PLA2R1: variants seen among roughly 807,000 people sequenced by gnomAD.
PLA2R1 encodes the protein phospholipase A2 receptor 1, also known as secretory phospholipase A2 receptor.
In PLA2R1, 158 loss-of-function variants were observed where a neutral mutation model predicts 195.9. The observed-to-expected ratio is 0.81, with a 90% CI of 0.71 to 0.92. The LOEUF (loss-of-function observed/expected upper bound fraction) is 0.92, where lower values mean the gene tolerates loss of function less well. Among genes scored for constraint, PLA2R1 ranks in the 40% least tolerant of loss-of-function variants. The probability of loss-of-function intolerance (pLI) is 0.00; values close to 1 mark genes in which losing one functional copy is unlikely to be tolerated. For synonymous variants in PLA2R1, 586 were observed against 598.2 expected (o/e 0.98, Z 0.30); for missense variants, 1,626 against 1,764.6 (o/e 0.92, Z 1.41).
intron 10 of PLA2R1, among the ~76,000 whole-genome samples, chr2:160,008,378 G>C (rs1212652247): frequency 6.6e-6 from 1 of 152,196 alleles, no homozygotes; most frequent in Non-Finnish European, 1.5e-5. Context: ...CAGTGGAATA[G>C]ACTAGGAATA....
chr2:159,942,451 CACAA>C (rs1687138730), intron 28 of PLA2R1, among the ~76,000 whole-genome samples: 2 of 152,308 alleles, frequency 1.3e-5, no homozygotes, highest in East Asian at 3.9e-4. Context: ...TATTAGTGCT[CACAA>C]ACATACACCC....
Position 160,062,442 on chromosome 2 carries a change from G to A in PLA2R1, c.-39C>T, listed in dbSNP as rs1329393017. On this transcript the variant is annotated 5_prime_UTR_variant, in exon 1 of 30. Coordinates refer to ENST00000283243, the MANE Select transcript of PLA2R1 (RefSeq NM_007366.5). ...GCTCTCCGGGAGCCCCTTGTCCCGG[G>A]AGCCCCTTATCCCGGGAGCCCAGAG... 6 of 1,513,926 alleles carry A rather than the reference G, an allele frequency of 4.0e-6. No homozygotes were observed. Among genetic ancestry groups the A allele is most frequent in the Non-Finnish European group, 5.3e-6 (6 of 1,132,212 alleles). The allele number at this position is 1,513,926 out of a possible 1,614,324, so 93.8% of individuals were successfully genotyped here.
intron 16 of PLA2R1, among the ~76,000 whole-genome samples, 199 bp downstream of exon 16, chr2:159,976,486 A>G (rs1387380923): frequency 6.6e-6 from 1 of 152,176 alleles, no homozygotes; most frequent in Non-Finnish European, 1.5e-5. Context: ...TGTCATGAAA[A>G]TGATTGATGA....
At chr2:160,000,592 A>G (rs887115670) in intron 11 of PLA2R1, among the ~76,000 whole-genome samples, 1 of 152,166 alleles carries the variant, frequency 6.6e-6, no homozygotes, top group African/African-American at 2.4e-5. Flanking sequence ...CCAGAAACAG[A>G]CCCATACAAC....
chr2:159,957,212 C>T (rs546636851), intron 20 of PLA2R1, among the ~76,000 whole-genome samples: 18 of 151,824 alleles, frequency 1.2e-4, no homozygotes, highest in Admixed American at 3.9e-4. Context: ...ACCAAAGAAA[C>T]CTGGGAAGAA....
intron 1 of PLA2R1, among the ~76,000 whole-genome samples, chr2:160,046,259 T>G (rs1694862098): frequency 6.6e-6 from 1 of 152,198 alleles, no homozygotes; most frequent in African/African-American, 2.4e-5. Context: ...GTCACCTCAG[T>G]TCATGTCTGG....
chr2:159,971,473 C>CGT (rs1156858955), intron 17 of PLA2R1, among the ~76,000 whole-genome samples: 2 of 126,250 alleles, frequency 1.6e-5, no homozygotes, highest in Non-Finnish European at 3.9e-5. Context: ...CGTGTGTGCG[C>CGT]GCACACACAC....
chr2:159,945,369 C>A (rs930092913), intron 27 of PLA2R1, among the ~76,000 whole-genome samples: 3 of 148,198 alleles, frequency 2.0e-5, no homozygotes, highest in Non-Finnish European at 4.5e-5. Flanking sequence ...CCACAACAGT[C>A]CCCAGAGTGT....
rs753244948 is a variant in PLA2R1 at position 159,987,152 on chromosome 2, T to G, written c.2037+4A>C. ...TAAGAATGTCCATGTAACCTTGGTA[T>G]CACCTTGAAGCAACTGGCCAGACCA... On this transcript the variant is annotated splice_donor_region_variant and intron_variant, in intron 12 of 29. Coordinates refer to ENST00000283243, the MANE Select transcript of PLA2R1 (RefSeq NM_007366.5). The G allele has an allele frequency of 6.2e-7, 1 of 1,605,188 alleles. No individual in the cohort carries two copies. The highest frequency in any genetic ancestry group is 1.1e-5 in the South Asian group (1 of 90,876).
In PLA2R1 at chr2:159,939,182, G is replaced by A. The variant is rs1310919429; in HGVS notation, c.*2596C>T. 1 of 151,318 alleles carries A rather than the reference G, an allele frequency of 6.6e-6. No individual in the cohort carries two copies. Among genetic ancestry groups the A allele is most frequent in the Non-Finnish European group, 1.5e-5 (1 of 67,844 alleles). 9.4% of individuals were successfully genotyped at this position (151,318 alleles called of 1,614,324 possible). A position where few individuals can be genotyped will look rare whatever the true frequency, so the allele number is the denominator to read the frequency against. On this transcript the variant is annotated 3_prime_UTR_variant, in exon 30 of 30. Transcript: ENST00000283243. ...TTACCTGCTACTTTTTTTTCTTTTC[G>A]AATTATAGCTATAAAATCTAGTTCA...
At position 159,979,888 on chromosome 2, in the gene PLA2R1, C is replaced by T. The variant is rs867997164; in HGVS notation, c.2210G>A (p.Gly737Glu). 13 of 1,607,122 alleles carry T rather than the reference C, an allele frequency of 8.1e-6. No homozygotes were observed. In the African/African-American group the frequency reaches 1.5e-4, roughly 18 times the overall value. ...NWTEERQFWI[G>E]FNKRNPLNAG... ...ATTCAGTGGGTTTCTTTTATTAAAT[C>T]CAATCCAGAACTGCCTTTCTTCTGT... The change falls in exon 14 of 30, where the codon GGA (glycine) becomes GAA (glutamate). Residue 737 changes from glycine to glutamate, a missense_variant. Coordinates refer to ENST00000283243, the MANE Select transcript of PLA2R1 (RefSeq NM_007366.5).
At chr2:159,964,286 G>A (rs1354839796) in intron 20 of PLA2R1, among the ~76,000 whole-genome samples, 2 of 152,184 alleles carry the variant, frequency 1.3e-5, no homozygotes, top group Non-Finnish European at 2.9e-5. Context: ...TTGGGATAGT[G>A]AGAATGTTTT....
chr2:160,042,676 G>T (rs1283970045), intron 2 of PLA2R1, among the ~76,000 whole-genome samples: 1 of 152,036 alleles, frequency 6.6e-6, no homozygotes, highest in Non-Finnish European at 1.5e-5. Context: ...CCTTTATGTG[G>T]AACTTCTATC....
chr2:159,947,389 A>G, intron 26 of PLA2R1, 30 bp downstream of exon 26: 1 of 1,576,088 alleles, frequency 6.3e-7, no homozygotes, highest in Non-Finnish European at 8.6e-7. Flanking sequence ...GAGCACATGA[A>G]AGCATTTTTA....
At chr2:160,005,880 T>C in intron 10 of PLA2R1, 59 bp from the exon 11 acceptor site, 5 of 1,218,210 alleles carry the variant, frequency 4.1e-6, no homozygotes, top group South Asian at 2.5e-5. Context: ...AAAAATGTCA[T>C]TAAAGCATAA....
chr2:159,967,582 T>C lies in PLA2R1; in HGVS notation c.2861A>G (p.Gln954Arg). ...LIEKKKDTPK[Q>R]HGTCPKGWLY... is the part of the protein sequence containing the mutation. ...CCATCCTTTGGGACACGTTCCATGT[T>C]GTTTTGGTGTATCTTTCTTTTTCTC... The change falls in exon 20 of 30, where the codon CAA becomes CGA. Residue 954 changes from glutamine to arginine, a missense_variant. Physicochemically the swap from Gln to Arg is conservative, Grantham distance 43. Transcript: ENST00000283243. 2 of 1,613,854 alleles carry C rather than the reference T, an allele frequency of 1.2e-6. No homozygotes were observed. The highest frequency in any genetic ancestry group is 1.7e-5 in the Admixed American group (1 of 60,024).
At chr2:159,946,521 T>C in intron 27 of PLA2R1, 6 of 1,103,192 alleles carry the variant, frequency 5.4e-6, no homozygotes, top group Non-Finnish European at 6.6e-6. Flanking sequence ...AATGACTAAG[T>C]CTGTGAACAC....
chr2:160,044,619 C>T (rs1167385118), intron 2 of PLA2R1, among the ~76,000 whole-genome samples, 155 bp downstream of exon 2: 1 of 152,174 alleles, frequency 6.6e-6, no homozygotes, highest in African/African-American at 2.4e-5. Flanking sequence ...AACCCTTTTA[C>T]CATAAGCAAG....
chr2:159,945,074 T>G lies in PLA2R1; in HGVS notation c.3976A>C (p.Ile1326Leu), dbSNP rs1291093759. The change falls in exon 28 of 30, where the codon ATA becomes CTA. Residue 1326 changes from isoleucine to leucine, a missense_variant. Coordinates refer to ENST00000283243, the MANE Select transcript of PLA2R1 (RefSeq NM_007366.5). ...GTGGGAGTTCCATCAAACCACTTTA[T>G]GGTTTCATCTGTGAGAAAATTGCTG... ...NAQFDGNNET[I>L]KWFDGTPTDQ... 7 of 1,606,526 alleles carry G rather than the reference T, an allele frequency of 4.4e-6. No individual in the cohort carries two copies. The highest frequency in any genetic ancestry group is 6.0e-6 in the Non-Finnish European group (7 of 1,175,534).
Sources: allele counts gnomAD v4.1 joint callset (sites outside exome capture counted in the v4.1 genomes callset), GRCh38; gene constraint gnomAD v4.1.1; transcripts MANE v1.5; gene names NCBI Gene and HGNC (gene_info 2026-07-23, HGNC 2026-07-21).